The following ADORA2B variants were observed in gnomAD, a reference collection of about 807,000 sequenced individuals.
ADORA2B encodes the protein adenosine receptor A2b.
ADORA2B carries 18 observed loss-of-function variants against 20.8 expected under a neutral mutation model. The observed-to-expected ratio is 0.87, with a 90% CI of 0.60 to 1.29. ADORA2B has a LOEUF of 1.29. Among genes scored for constraint, ADORA2B ranks in the 50% most tolerant of loss-of-function variants. The probability of loss-of-function intolerance (pLI) is 0.00; values close to 1 mark genes in which losing one functional copy is unlikely to be tolerated. For synonymous variants in ADORA2B, 179 were observed against 178.3 expected, an observed-to-expected ratio of 1.00 and a Z score of -0.03; for missense variants, 441 against 422.7, an observed-to-expected ratio of 1.04 and a Z score of -0.38.
At chr17:15,904,519 CTG>C in the ADORA2B span, among the ~76,000 whole-genome samples, 6 of 151,472 alleles carry the variant, frequency 4.0e-5, no homozygotes, top group Admixed American at 6.6e-5. Context: ...TCCCGGGTAA[CTG>C]GGACTACAGG....
At chr17:15,897,716 A>C in the ADORA2B span, among the ~76,000 whole-genome samples, 26 of 152,354 alleles carry the variant, frequency 1.7e-4, no homozygotes, top group African/African-American at 6.0e-4. Context: ...CAATCTCATT[A>C]GTGATCAGGA....
chr17:15,916,095 G>T, the ADORA2B span, among the ~76,000 whole-genome samples: 1 of 152,264 alleles, frequency 6.6e-6, no homozygotes, highest in African/African-American at 2.4e-5. Context: ...GGGGTGGGGG[G>T]GTCACATGGC....
the ADORA2B span, among the ~76,000 whole-genome samples, chr17:15,878,005 A>G: frequency 1.3e-5 from 2 of 152,140 alleles, no homozygotes; most frequent in South Asian, 2.1e-4. Context: ...TTTGGGGGAA[A>G]AAAAGAAATT....
chr17:15,851,900 G>A, the ADORA2B span, among the ~76,000 whole-genome samples: 2 of 152,162 alleles, frequency 1.3e-5, no homozygotes, highest in African/African-American at 2.4e-5. Context: ...CTCATACCAT[G>A]CAAGGTACTG....
the ADORA2B span, among the ~76,000 whole-genome samples, chr17:15,860,127 T>C: frequency 6.6e-6 from 1 of 152,178 alleles, no homozygotes; most frequent in African/African-American, 2.4e-5. Flanking sequence ...AGGTACCCCC[T>C]GCTTGCTCAA....
At chr17:15,920,180 A>G in the ADORA2B span, among the ~76,000 whole-genome samples, 3 of 152,200 alleles carry the variant, frequency 2.0e-5, no homozygotes, top group Admixed American at 1.3e-4. Flanking sequence ...ACACATGGAC[A>G]TGCAGAGTGG....
the ADORA2B span, among the ~76,000 whole-genome samples, chr17:15,873,201 A>G: frequency 6.6e-6 from 1 of 152,210 alleles, no homozygotes; most frequent in African/African-American, 2.4e-5. Flanking sequence ...GCGATGTCAC[A>G]TTTATTGATT....
At chr17:15,899,285 C>G in the ADORA2B span, among the ~76,000 whole-genome samples, 4 of 151,832 alleles carry the variant, frequency 2.6e-5, no homozygotes, top group African/African-American at 9.7e-5. Context: ...TAAACTACAC[C>G]CAGTCAGAAC....
chr17:15,890,093 G>A, the ADORA2B span, among the ~76,000 whole-genome samples: 9 of 128,808 alleles, frequency 7.0e-5, 2 homozygotes, highest in Admixed American at 7.7e-5. Context: ...ACTTCCAATT[G>A]CCTTCTTAAA....
the ADORA2B span, among the ~76,000 whole-genome samples, chr17:15,902,362 C>A: frequency 8.3e-4 from 126 of 152,282 alleles, 1 homozygote; most frequent in Middle Eastern, 3.4e-3. Context: ...CGCCATCATG[C>A]CTGGCTAATT....
chr17:15,886,974 T>C, the ADORA2B span, among the ~76,000 whole-genome samples: 3 of 130,770 alleles, frequency 2.3e-5, 1 homozygote, highest in African/African-American at 6.5e-5. Flanking sequence ...TGGCCCGTGC[T>C]TGCAAGGCAA....
At chr17:15,932,326 C>G in the ADORA2B span, among the ~76,000 whole-genome samples, 1 of 151,822 alleles carries the variant, frequency 6.6e-6, no homozygotes, top group Non-Finnish European at 1.5e-5. Context: ...AACCCCGTCT[C>G]TACTAAAAAT....
chr17:15,911,908 T>C, the ADORA2B span, among the ~76,000 whole-genome samples: 1 of 151,892 alleles, frequency 6.6e-6, no homozygotes, highest in Non-Finnish European at 1.5e-5. Context: ...TGCAAGAAAA[T>C]TTTTTTAAAA....
chr17:15,864,657 A>G, the ADORA2B span, among the ~76,000 whole-genome samples: 2 of 152,190 alleles, frequency 1.3e-5, no homozygotes, highest in African/African-American at 4.8e-5. Flanking sequence ...GGGTCGGCTT[A>G]TCTGCTGGCA....
At chr17:15,964,376 AT>A (rs1327415782) in intron 1 of ADORA2B, among the ~76,000 whole-genome samples, 1 of 150,440 alleles carries the variant, frequency 6.6e-6, no homozygotes, top group Non-Finnish European at 1.5e-5. Context: ...GGAGGCCAAG[AT>A]TGGCGGATCA....
upstream of ADORA2B, among the ~76,000 whole-genome samples, chr17:15,940,817 A>G (rs576433611): frequency 2.1e-4 from 32 of 152,284 alleles, 1 homozygote; most frequent in Middle Eastern, 6.8e-3. Flanking sequence ...CCACGACTTC[A>G]CCTCATGATA....
the ADORA2B span, among the ~76,000 whole-genome samples, chr17:15,874,095 T>TACACAC: frequency 0.12 from 16,899 of 145,856 alleles, 1,131 homozygotes; most frequent in East Asian, 0.15. Context: ...TATATATGTA[T>TACACAC]ACACACACAC....
At chr17:15,871,659 T>A in the ADORA2B span, among the ~76,000 whole-genome samples, 10 of 152,150 alleles carry the variant, frequency 6.6e-5, no homozygotes, top group African/African-American at 2.4e-4. Flanking sequence ...AAGGGGCCCA[T>A]GTGACCAGCC....
the ADORA2B span, among the ~76,000 whole-genome samples, chr17:15,894,710 AAACAC>A: frequency 2.7e-3 from 407 of 152,322 alleles, 1 homozygote; most frequent in African/African-American, 9.0e-3. Flanking sequence ...GGAAGAAGTC[AAACAC>A]AACACCATGG....
Sources: allele counts gnomAD v4.1 joint callset (sites outside exome capture counted in the v4.1 genomes callset), GRCh38; gene constraint gnomAD v4.1.1; transcripts MANE v1.5; gene names NCBI Gene and HGNC (gene_info 2026-07-23, HGNC 2026-07-21).